Variants in IARS1 observed in about 807,000 individuals in gnomAD.
The protein encoded by IARS1 is isoleucyl-tRNA synthetase 1.
Under a neutral mutation model 168.2 loss-of-function variants are expected in IARS1, and 124 were observed. That is an observed-to-expected ratio of 0.74 (90% CI 0.64 to 0.86). IARS1 has a LOEUF of 0.86. Among genes scored for constraint, IARS1 ranks in the 40% least tolerant of loss-of-function variants. The pLI, the probability that IARS1 is intolerant of heterozygous loss-of-function variation, is 0.00. For synonymous variants in IARS1, 532 were observed against 529.4 expected (o/e 1.00, Z -0.07); for missense variants, 1,452 against 1,515.8 (o/e 0.96, Z 0.70).
rs1462762738 is a variant in IARS1, at chr9:92,285,711, A to G, written c.597+11T>C. 1.3e-6 allele frequency: 2 copies of G among 1,514,184 alleles called. No homozygotes were observed. The highest frequency in any genetic ancestry group is 3.3e-5 in the Admixed American group (2 of 59,770). The allele number at this position is 1,514,184 out of a possible 1,614,324, so 93.8% of individuals were successfully genotyped here. ...ACTCAATGCTGAATAATGTCTCTAC[A>G]TTTCACGTACCTTATAATTCTGGTG... On this transcript the variant is annotated intron_variant, in intron 6 of 33. Transcript: ENST00000443024.
chr9:92,290,579 C>T (rs895428627), intron 1 of IARS1, among the ~76,000 whole-genome samples: 1 of 152,056 alleles, frequency 6.6e-6, no homozygotes, highest in African/African-American at 2.4e-5. Flanking sequence ...GGTTTTGCTG[C>T]TTGAGCTTTT....
intron 30 of IARS1, among the ~76,000 whole-genome samples, chr9:92,238,017 T>A (rs1827801507): frequency 6.6e-6 from 1 of 152,152 alleles, no homozygotes; most frequent in Admixed American, 6.5e-5. Flanking sequence ...GCGATTCTCC[T>A]GTCTCAGCCT....
chr9:92,269,033 T>G (rs1448668668), intron 13 of IARS1, among the ~76,000 whole-genome samples: 3 of 152,110 alleles, frequency 2.0e-5, no homozygotes, highest in East Asian at 3.9e-4. Flanking sequence ...GATCAGTTTA[T>G]ATGCCTGCAC....
chr9:92,286,064 A>G lies in IARS1; in HGVS notation c.480-225T>C, dbSNP rs560484728. 21 of 435,882 alleles carry G rather than the reference A, an allele frequency of 4.8e-5. No individual in the cohort carries two copies. The East Asian group carries it at 5.6e-4, about 12-fold the overall frequency. 27.0% of individuals were successfully genotyped at this position (435,882 alleles called of 1,614,324 possible). A position where few individuals can be genotyped will look rare whatever the true frequency, so the allele number is the denominator to read the frequency against. Reference sequence around the variant, plus strand: ...GATATCGAATGATATTTAACACATAATGTTAAGAAAAGCAACTGGCAGGCT... The same window carrying G: ...GATATCGAATGATATTTAACACATAGTGTTAAGAAAAGCAACTGGCAGGCT... On this transcript the variant is annotated intron_variant, in intron 5 of 33. Transcript: ENST00000443024.
rs1832149942 is a variant in IARS1, at chr9:92,265,471, GA to G, written c.1505+8del. 5 of 1,612,196 alleles carry G rather than the reference GA, an allele frequency of 3.1e-6. No individual in the cohort carries two copies. The Admixed American group carries it at 6.7e-5, about 21-fold the overall frequency. The stretch of plus-strand genomic sequence containing the variant: ...AAAACTGAAGTGAATCGAACATTTA[GA>G]AACTGACCTCTCTCTGTGGAGATCT... On this transcript the variant is annotated splice_region_variant and intron_variant, in intron 15 of 33. Transcript: ENST00000443024.
Position 92,258,944 on chromosome 9 carries a change from T to C in IARS1, c.1926A>G (p.Glu642=), listed in dbSNP as rs1465389412. ...CCTTAAGGACGTCCCGCACACCCTCTTCTTTAAAGCGGAGGTTTTCTGCTC... is the reference window on the plus strand; with the variant it reads ...CCTTAAGGACGTCCCGCACACCCTCCTCTTTAAAGCGGAGGTTTTCTGCTC... ...VVRAENLRFK[E]EGVRDVLKDV... is the part of the protein sequence containing the mutation. The change falls in exon 19 of 34, where the codon GAA becomes GAG. Residue 642 remains glutamate (E), a synonymous_variant. Coordinates refer to ENST00000443024, the MANE Select transcript of IARS1 (RefSeq NM_002161.6). The C allele has an allele frequency of 6.2e-7, 1 of 1,613,932 alleles. No homozygotes were observed. The highest frequency in any genetic ancestry group is 8.5e-7 in the Non-Finnish European group (1 of 1,179,952).
chr9:92,263,183 G>T, intron 16 of IARS1, 128 bp from the exon 17 acceptor site: 1 of 655,412 alleles, frequency 1.5e-6, no homozygotes, highest in Non-Finnish European at 2.7e-6. Context: ...TTAAAGCAAT[G>T]ATTCTTAATC....
intron 20 of IARS1, among the ~76,000 whole-genome samples, chr9:92,255,986 TG>T (rs1400649901): frequency 1.3e-5 from 2 of 151,930 alleles, no homozygotes; most frequent in African/African-American, 2.4e-5. Flanking sequence ...AAATATCTCC[TG>T]TACCCCATAA....
intron 16 of IARS1, 69 bp from the exon 17 acceptor site, chr9:92,263,124 T>C: frequency 9.5e-7 from 1 of 1,049,310 alleles, no homozygotes; most frequent in South Asian, 1.4e-5. Context: ...GAAACTGTAT[T>C]TATTCATTGA....
intron 29 of IARS1, among the ~76,000 whole-genome samples, chr9:92,241,269 C>CCTTGTCTTGTCCTA (rs1828358278): frequency 6.6e-6 from 1 of 152,198 alleles, no homozygotes; most frequent in African/African-American, 2.4e-5. Flanking sequence ...ATCAGCCCCT[C>CCTTGTCTTGTCCTA]CTTGTCTTGT....
rs566429295 is a variant in IARS1 at position 92,239,418 on chromosome 9, G to T, written c.3283+1438C>A. On this transcript the variant is annotated intron_variant, in intron 30 of 33. Transcript: ENST00000443024. ...CCTGATGAAAAATCCAATATCATTTGTTCTTCCCCTGTAAGTTAGGTGTTA... is the reference window on the plus strand; with the variant it reads ...CCTGATGAAAAATCCAATATCATTTTTTCTTCCCCTGTAAGTTAGGTGTTA... 3.9e-5 allele frequency among the ~76,000 whole-genome samples: 6 copies of T among 152,216 alleles called. No homozygotes were observed. The South Asian group carries it at 1.2e-3, about 32-fold the overall frequency.
rs1474932781 is a variant in IARS1, at chr9:92,250,239, G to C, written c.2480C>G (p.Ser827Cys). 3 of 1,612,850 alleles carry C rather than the reference G, an allele frequency of 1.9e-6. No individual in the cohort carries two copies. The highest frequency in any genetic ancestry group is 2.5e-6 in the Non-Finnish European group (3 of 1,178,864). ...KTESAVSQMQ[S>C]VIELGRVIRD... ...GATCACTCTTCCAAGTTCAATCACA[G>C]ACTGCATCTGAGATACTGCACTCTC... Residue 827 changes from serine (S) to cysteine (C), a missense_variant, in exon 24 of 34, where the codon TCT becomes TGT. Transcript: ENST00000443024.
At chr9:92,237,660 G>A (rs1177889644) in intron 30 of IARS1, among the ~76,000 whole-genome samples, 2 of 151,998 alleles carry the variant, frequency 1.3e-5, no homozygotes, top group East Asian at 3.8e-4. Flanking sequence ...ATAAATTTAG[G>A]ATCACTGTTT....
chr9:92,279,843 C>T (rs1253545502), intron 7 of IARS1, among the ~76,000 whole-genome samples: 1 of 152,150 alleles, frequency 6.6e-6, no homozygotes, highest in East Asian at 1.9e-4. Context: ...CTAGTCTTTG[C>T]TCTCTGAAGT....
At chr9:92,255,722 C>T (rs540278085) in intron 20 of IARS1, among the ~76,000 whole-genome samples, 3 of 152,222 alleles carry the variant, frequency 2.0e-5, no homozygotes, top group South Asian at 2.1e-4. Context: ...TTATGTAAAT[C>T]GTCTCTACTT....
At position 92,269,961 on chromosome 9, in the gene IARS1, T is replaced by C. The variant is rs750841076; in HGVS notation, c.1228A>G (p.Lys410Glu). Reference sequence around the variant, plus strand: ...CGCACAAACCAGCTGGGCACTGCTTTGTAAATTAGAGGAGTGTCTGATCTG... The same window carrying C: ...CGCACAAACCAGCTGGGCACTGCTTCGTAAATTAGAGGAGTGTCTGATCTG... ...CWRSDTPLIY[K>E]AVPSWFVRVE... The change falls in exon 13 of 34, where the codon AAA (lysine) becomes GAA (glutamate). Residue 410 changes from lysine to glutamate, a missense_variant. Transcript: ENST00000443024. 1 of 1,613,510 alleles carries C rather than the reference T, an allele frequency of 6.2e-7. No individual in the cohort carries two copies. The highest frequency in any genetic ancestry group is 8.5e-7 in the Non-Finnish European group (1 of 1,179,502).
In IARS1 at chr9:92,232,863, T is replaced by C. The variant is rs1358173821; in HGVS notation, c.3284-3737A>G. On this transcript the variant is annotated intron_variant, in intron 30 of 33. Coordinates refer to ENST00000443024, the MANE Select transcript of IARS1 (RefSeq NM_002161.6). Reference sequence around the variant, plus strand: ...TTTATAACTTTGTGACTTTCTATATTTGCCTTTGATATTTTTAATTATCAC... The same window carrying C: ...TTTATAACTTTGTGACTTTCTATATCTGCCTTTGATATTTTTAATTATCAC... Among the ~76,000 whole-genome samples the C allele has an allele frequency of 2.0e-5, 3 of 152,146 alleles. No individual in the cohort carries two copies. In the East Asian group the frequency reaches 5.8e-4, roughly 29 times the overall value.
At chr9:92,225,021 G>A (rs1197780914) in intron 31 of IARS1, among the ~76,000 whole-genome samples, 2 of 152,022 alleles carry the variant, frequency 1.3e-5, no homozygotes, top group African/African-American at 4.8e-5. Flanking sequence ...CTGCTACTGC[G>A]TATCCCACCT....
At chr9:92,234,308 T>C (rs1827161823) in intron 30 of IARS1, among the ~76,000 whole-genome samples, 1 of 152,128 alleles carries the variant, frequency 6.6e-6, no homozygotes, top group African/African-American at 2.4e-5. Context: ...AAATAACAGA[T>C]TTAGCGATGA....
Sources: gnomAD v4.1 joint callset for allele counts (sites outside exome capture counted in the v4.1 genomes callset) on GRCh38, gnomAD v4.1.1 for gene constraint, MANE v1.5 for transcripts, NCBI Gene and HGNC (gene_info 2026-07-23, HGNC 2026-07-21) for gene names.